HOMER1: variants seen among roughly 807,000 people sequenced by gnomAD.
HOMER1 encodes the protein homer protein homolog 1.
HOMER1 carries 3 observed loss-of-function variants against 48.9 expected under a neutral mutation model. The ratio of observed to expected loss-of-function variants is 0.06; its 90% CI spans 0.03 to 0.16. The LOEUF is 0.16. Among genes scored for constraint, HOMER1 ranks in the 10% least tolerant of loss-of-function variants. The pLI, the probability that HOMER1 is intolerant of heterozygous loss-of-function variation, is 1.00. For synonymous variants in HOMER1, 134 were observed against 146.4 expected (o/e 0.92, Z 0.61); for missense variants, 247 against 411.4 (o/e 0.60, Z 3.46).
In HOMER1 at chr5:79,434,166, GACA is replaced by G. The variant is rs762215703; in HGVS notation, c.527+4841_527+4843del. ...GTCTTTTCTGAACTCTCGAAAATAT[GACA>G]ACAATTATTTATCTATATTGTACCA... On this transcript the variant is annotated intron_variant, in intron 5 of 8. Coordinates refer to ENST00000334082, the MANE Select transcript of HOMER1 (RefSeq NM_004272.5). Among the ~76,000 whole-genome samples the G allele has an allele frequency of 3.2e-4, 49 of 152,072 alleles. 1 individual carries two copies. The highest frequency in any genetic ancestry group is 5.2e-4 in the Non-Finnish European group (35 of 67,926).
intron 1 of HOMER1, among the ~76,000 whole-genome samples, chr5:79,494,438 A>G (rs1458500293): frequency 3.9e-5 from 6 of 152,164 alleles, no homozygotes; most frequent in Non-Finnish European, 7.3e-5. Context: ...TTACCTCATA[A>G]TATCTATCTA....
In HOMER1 at chr5:79,372,706, T is replaced by G. The variant is rs578056092; in HGVS notation, c.*3303A>C. Reference sequence around the variant, plus strand: ...AAACTTTCCCCGACCTGCCTCCCATTCCAGTACTGACAAAATCAGGACCAC... The same window carrying G: ...AAACTTTCCCCGACCTGCCTCCCATGCCAGTACTGACAAAATCAGGACCAC... On this transcript the variant is annotated 3_prime_UTR_variant, in exon 9 of 9. Coordinates refer to ENST00000334082, the MANE Select transcript of HOMER1 (RefSeq NM_004272.5). The G allele has an allele frequency of 6.6e-6, 1 of 152,198 alleles. No homozygotes were observed. The highest frequency in any genetic ancestry group is 1.5e-5 in the Non-Finnish European group (1 of 68,004). The allele number at this position is 152,198 out of a possible 1,614,324, so 9.4% of individuals were successfully genotyped here.
intron 1 of HOMER1, among the ~76,000 whole-genome samples, chr5:79,459,881 A>AG (rs762037374): frequency 4.1e-4 from 63 of 152,324 alleles, no homozygotes; most frequent in Admixed American, 9.2e-4. Context: ...ACCTTAGTAC[A>AG]GGTAAGTTTG....
intron 1 of HOMER1, among the ~76,000 whole-genome samples, chr5:79,488,768 G>C (rs866325686): frequency 6.6e-6 from 1 of 152,140 alleles, no homozygotes; most frequent in African/African-American, 2.4e-5. Flanking sequence ...TAGACCCTTT[G>C]TATACATTTT....
intron 5 of HOMER1, among the ~76,000 whole-genome samples, chr5:79,429,479 G>A (rs149429194): frequency 1.3e-5 from 2 of 152,186 alleles, no homozygotes; most frequent in African/African-American, 4.8e-5. Flanking sequence ...TTTTGACAAG[G>A]GTGCCAAGGT....
chr5:79,399,988 T>C (rs560652315), intron 6 of HOMER1, among the ~76,000 whole-genome samples: 36 of 152,256 alleles, frequency 2.4e-4, no homozygotes, highest in African/African-American at 8.4e-4. Flanking sequence ...TAATATTCAA[T>C]TGACTATTTA....
In HOMER1 at chr5:79,412,145, TTAAAA is replaced by T. The variant is rs1180742176; in HGVS notation, c.528-10095_528-10091del. Among the ~76,000 whole-genome samples the T allele has an allele frequency of 9.9e-5, 15 of 152,070 alleles. No individual in the cohort carries two copies. In the South Asian group the frequency reaches 1.0e-3, roughly 11 times the overall value. ...AAAAATTAAATTAAATTAAATCAAA[TTAAAA>T]TAAATAGGTTGCAGTAGGTTTTTTT... On this transcript the variant is annotated intron_variant, in intron 5 of 8. Transcript: ENST00000334082.
intron 1 of HOMER1, among the ~76,000 whole-genome samples, chr5:79,483,244 T>C (rs999683983): frequency 2.0e-5 from 3 of 152,118 alleles, no homozygotes; most frequent in Admixed American, 1.3e-4. Context: ...TGACTTCTCA[T>C]TGGAAACAAT....
intron 3 of HOMER1, 26 bp from the exon 4 acceptor site, chr5:79,447,171 T>C (rs915127011): frequency 2.1e-6 from 3 of 1,437,142 alleles, no homozygotes; most frequent in Non-Finnish European, 2.9e-6. Flanking sequence ...CTACATACAT[T>C]AACCAAATAA....
intron 1 of HOMER1, among the ~76,000 whole-genome samples, chr5:79,510,161 G>C (rs762403878): frequency 1.3e-5 from 2 of 149,094 alleles, no homozygotes; most frequent in African/African-American, 2.5e-5. Context: ...CTATCAATGA[G>C]AAAGGGTCAT....
Position 79,374,496 on chromosome 5 carries a change from A to C in HOMER1, c.*1513T>G, listed in dbSNP as rs1242369514. 1 of 152,128 alleles carries C rather than the reference A, an allele frequency of 6.6e-6. No homozygotes were observed. The highest frequency in any genetic ancestry group is 1.5e-5 in the Non-Finnish European group (1 of 67,888). The allele number at this position is 152,128 out of a possible 1,614,324, so 9.4% of individuals were successfully genotyped here. A position where few individuals can be genotyped will look rare whatever the true frequency, so the allele number is the denominator to read the frequency against. On this transcript the variant is annotated 3_prime_UTR_variant, in exon 9 of 9. Transcript: ENST00000334082. ...TGTTTATGAGTGAAAAAATGGTTAC[A>C]AATTGGTTAATTAGCTTAATTTTGT...
rs1401021638 is a variant in HOMER1 at position 79,451,223 on chromosome 5, C to T, written c.163-102G>A. ...ATAAAAGCTTAAGATTATCAATAAG[C>T]CACAACGTTAAATACATAAAGATAG... On this transcript the variant is annotated intron_variant, in intron 2 of 8. Coordinates refer to ENST00000334082, the MANE Select transcript of HOMER1 (RefSeq NM_004272.5). 2.5e-6 allele frequency: 3 copies of T among 1,179,184 alleles called. No homozygotes were observed. In the African/African-American group the frequency reaches 4.6e-5, roughly 18 times the overall value. 73.0% of individuals were successfully genotyped at this position (1,179,184 alleles called of 1,614,324 possible).
At chr5:79,382,133 G>A (rs971765968) in intron 8 of HOMER1, among the ~76,000 whole-genome samples, 1 of 152,060 alleles carries the variant, frequency 6.6e-6, no homozygotes, top group African/African-American at 2.4e-5. Flanking sequence ...GTAATAAAAA[G>A]GAATAAGCAA....
At chr5:79,418,619 T>C (rs145572881) in intron 5 of HOMER1, among the ~76,000 whole-genome samples, 5 of 152,342 alleles carry the variant, frequency 3.3e-5, no homozygotes, top group African/African-American at 1.2e-4. Context: ...TTGTATGACA[T>C]TGTCATGTAT....
intron 1 of HOMER1, among the ~76,000 whole-genome samples, chr5:79,488,897 T>C (rs923916275): frequency 4.6e-5 from 7 of 152,358 alleles, no homozygotes; most frequent in African/African-American, 1.7e-4. Flanking sequence ...AATTCAAACC[T>C]AGATCTGATG....
At position 79,481,691 on chromosome 5, in the gene HOMER1, C is replaced by T. The variant is rs544517356; in HGVS notation, c.6-24673G>A. Among the ~76,000 whole-genome samples, 16 of 152,146 alleles carry T rather than the reference C, an allele frequency of 1.1e-4. 1 individual carries two copies. The highest frequency in any genetic ancestry group is 3.9e-4 in the African/African-American group (16 of 41,504). On this transcript the variant is annotated intron_variant, in intron 1 of 8. Coordinates refer to ENST00000334082, the MANE Select transcript of HOMER1 (RefSeq NM_004272.5). The stretch of plus-strand genomic sequence containing the variant: ...ACTAGGAAGAGCAAGTAGAACAATC[C>T]CCAGGACTCACATAAAACCAGAAAC...
At chr5:79,459,235 C>T (rs932035796) in intron 1 of HOMER1, among the ~76,000 whole-genome samples, 3 of 152,110 alleles carry the variant, frequency 2.0e-5, no homozygotes, top group Admixed American at 6.6e-5. Flanking sequence ...AAGATAATAA[C>T]GTTGCTTTTG....
chr5:79,445,587 T>C (rs958227532), intron 4 of HOMER1, among the ~76,000 whole-genome samples: 2 of 152,202 alleles, frequency 1.3e-5, no homozygotes, highest in African/African-American at 4.8e-5. Flanking sequence ...GTGCTAAGCA[T>C]AAAGATGTTC....
chr5:79,419,761 G>C (rs1750045509), intron 5 of HOMER1, among the ~76,000 whole-genome samples: 1 of 152,054 alleles, frequency 6.6e-6, no homozygotes. Flanking sequence ...ATAAATTCAA[G>C]AAGAAAAACA....
Sources: allele counts gnomAD v4.1 joint callset (sites outside exome capture counted in the v4.1 genomes callset), GRCh38; gene constraint gnomAD v4.1.1; transcripts MANE v1.5; gene names NCBI Gene and HGNC (gene_info 2026-07-23, HGNC 2026-07-21).